Variants in SHTN1 observed in about 807,000 individuals in gnomAD.
The protein encoded by SHTN1 is shootin 1, also known as shootin-1.
SHTN1 carries 42 observed loss-of-function variants against 83.1 expected under a neutral mutation model. That is an observed-to-expected ratio of 0.51 (90% CI 0.39 to 0.65). The LOEUF is 0.65. Ranked by LOEUF, SHTN1 falls within the 30% of genes least tolerant of loss-of-function variation. The probability of loss-of-function intolerance (pLI) is 0.00; values close to 1 mark genes in which losing one functional copy is unlikely to be tolerated. For synonymous variants in SHTN1, 224 were observed against 247.7 expected, an observed-to-expected ratio of 0.90 and a Z score of 0.90; for missense variants, 622 against 737.8, an observed-to-expected ratio of 0.84 and a Z score of 1.82.
chr10:117,017,455 C>T (rs1239340435), intron 2 of SHTN1, among the ~76,000 whole-genome samples: 8 of 141,334 alleles, frequency 5.7e-5, no homozygotes, highest in African/African-American at 2.1e-4. Flanking sequence ...CACGCCACTG[C>T]ACTCCAGCCT....
intron 2 of SHTN1, among the ~76,000 whole-genome samples, chr10:117,034,291 A>T (rs1852463094): frequency 6.6e-6 from 1 of 152,112 alleles, no homozygotes; most frequent in South Asian, 2.1e-4. Context: ...AAACCTAAAG[A>T]CTCTATCAGT....
chr10:116,965,638 T>G (rs1229857217), intron 3 of SHTN1, among the ~76,000 whole-genome samples: 1 of 152,214 alleles, frequency 6.6e-6, no homozygotes, highest in Non-Finnish European at 1.5e-5. Context: ...ACTAACTCCC[T>G]AAAGGTAAAT....
intron 1 of SHTN1, among the ~76,000 whole-genome samples, chr10:117,059,710 T>C (rs910093764): frequency 5.3e-5 from 8 of 152,132 alleles, no homozygotes; most frequent in African/African-American, 1.9e-4. Flanking sequence ...TTGCTAGGGT[T>C]TGGTGGTAGG....
At chr10:116,934,649 G>A (rs1333175886) in intron 9 of SHTN1, among the ~76,000 whole-genome samples, 1 of 152,046 alleles carries the variant, frequency 6.6e-6, no homozygotes, top group East Asian at 1.9e-4. Flanking sequence ...TTGGCAATAT[G>A]GGCTTTTTTT....
chr10:117,073,266 G>C (rs1045336643), intron 1 of SHTN1, among the ~76,000 whole-genome samples: 2 of 152,178 alleles, frequency 1.3e-5, no homozygotes, highest in African/African-American at 2.4e-5. Context: ...AGAGAAATCA[G>C]CTTAGTAGGG....
intron 4 of SHTN1, among the ~76,000 whole-genome samples, chr10:116,954,525 A>C (rs1457470035): frequency 6.6e-6 from 1 of 152,220 alleles, no homozygotes; most frequent in Non-Finnish European, 1.5e-5. Flanking sequence ...GTCTTAAAAA[A>C]GGCACTTTAT....
At chr10:116,914,297 C>T (rs1363615805) in intron 13 of SHTN1, among the ~76,000 whole-genome samples, 1 of 152,056 alleles carries the variant, frequency 6.6e-6, no homozygotes, top group Non-Finnish European at 1.5e-5. Context: ...CACGGTGAAA[C>T]CCTGTCTTTA....
chr10:116,963,221 G>A (rs1302994708), intron 3 of SHTN1, among the ~76,000 whole-genome samples: 6 of 149,514 alleles, frequency 4.0e-5, no homozygotes, highest in South Asian at 2.2e-4. Context: ...ACAGGCGCCC[G>A]CCATCACGCC....
At chr10:116,949,859 A>T (rs1399702810) in intron 6 of SHTN1, among the ~76,000 whole-genome samples, 1 of 152,134 alleles carries the variant, frequency 6.6e-6, no homozygotes, top group East Asian at 1.9e-4. Context: ...ACTATAGAAA[A>T]GTTTTTTTAA....
At chr10:117,047,007 A>T (rs1335836044) in intron 2 of SHTN1, among the ~76,000 whole-genome samples, 1 of 152,166 alleles carries the variant, frequency 6.6e-6, no homozygotes, top group Non-Finnish European at 1.5e-5. Flanking sequence ...CAGTAAAAAA[A>T]AAGAGAAAAA....
chr10:117,020,874 C>T (rs1475695823), intron 2 of SHTN1, among the ~76,000 whole-genome samples: 3 of 151,908 alleles, frequency 2.0e-5, no homozygotes, highest in African/African-American at 4.8e-5. Context: ...TATCCACAGA[C>T]AGTGGAAAAT....
intron 9 of SHTN1, 106 bp from the exon 10 acceptor site, chr10:116,930,108 C>T: frequency 4.8e-6 from 3 of 629,866 alleles, no homozygotes; most frequent in Non-Finnish European, 7.6e-6. Flanking sequence ...TACTTCATAG[C>T]AAACAGATTC....
chr10:116,930,776 C>G (rs1589817093), intron 9 of SHTN1, among the ~76,000 whole-genome samples: 1 of 152,214 alleles, frequency 6.6e-6, no homozygotes, highest in East Asian at 1.9e-4. Flanking sequence ...AATGGTATTT[C>G]TGTGTTAAGT....
intron 1 of SHTN1, among the ~76,000 whole-genome samples, chr10:117,084,750 T>C (rs957935938): frequency 6.6e-6 from 1 of 152,184 alleles, no homozygotes; most frequent in Non-Finnish European, 1.5e-5. Flanking sequence ...GCGCCGTTTT[T>C]TAAGCCCGTC....
intron 1 of SHTN1, among the ~76,000 whole-genome samples, chr10:116,995,816 T>C (rs60123571): frequency 0.014 from 2,097 of 152,254 alleles, 56 homozygotes; most frequent in African/African-American, 0.049. Flanking sequence ...GTACCTTGAA[T>C]ACATGGTTCA....
At chr10:116,972,094 C>A (rs1850638645) in intron 2 of SHTN1, among the ~76,000 whole-genome samples, 1 of 152,142 alleles carries the variant, frequency 6.6e-6, no homozygotes. Context: ...GCTATTAAGG[C>A]CCAGGTAGAC....
At chr10:117,031,488 CT>C (rs565833982) in intron 2 of SHTN1, among the ~76,000 whole-genome samples, 134 of 152,240 alleles carry the variant, frequency 8.8e-4, no homozygotes, top group African/African-American at 2.9e-3. Context: ...GTATAAACTA[CT>C]CTTATTTCTA....
chr10:117,032,290 G>A (rs1386371421), intron 2 of SHTN1, among the ~76,000 whole-genome samples: 5 of 151,966 alleles, frequency 3.3e-5, no homozygotes, highest in East Asian at 3.9e-4. Flanking sequence ...TGCAACCTCC[G>A]CCTCCTGGGT....
chr10:117,012,522 T>C (rs900045139), intron 2 of SHTN1, among the ~76,000 whole-genome samples: 4 of 152,154 alleles, frequency 2.6e-5, no homozygotes, highest in Non-Finnish European at 4.4e-5. Flanking sequence ...TTTCAAAACT[T>C]GGTGCTAGAT....
Sources: gnomAD v4.1 joint callset for allele counts (sites outside exome capture counted in the v4.1 genomes callset) on GRCh38, gnomAD v4.1.1 for gene constraint, MANE v1.5 for transcripts, NCBI Gene and HGNC (gene_info 2026-07-23, HGNC 2026-07-21) for gene names.